NES: variants seen among roughly 807,000 people sequenced by gnomAD.
NES encodes the protein nestin.
NES carries 27 observed loss-of-function variants against 35.6 expected under a neutral mutation model. That is an observed-to-expected ratio of 0.76 (90% CI 0.56 to 1.04). The LOEUF is 1.04. NES is among the 50% of genes least tolerant of loss of function. NES has a pLI of 0.00. For missense variants in NES, 1,867 were observed against 1,983.6 expected (o/e 0.94, Z 1.12); for synonymous variants, 822 against 824.2 (o/e 1.00, Z 0.04).
Position 156,669,775 on chromosome 1 carries a change from G to A in NES, c.4413C>T (p.Asp1471=). The change falls in exon 4 of 4, where the codon GAC becomes GAT. Residue 1471 remains aspartate, a synonymous_variant. Transcript: ENST00000368223. ...DSVSVSVPWD[D]SLRGAVAGAP... ...CACCAGCCACTGCACCCCTCAAGCT[G>A]TCATCCCAGGGGACACTGACACTCA... is the stretch of plus-strand genomic sequence containing the variant. 6.2e-7 allele frequency: 1 copy of A among 1,614,006 alleles called. No individual in the cohort carries two copies. Among genetic ancestry groups the A allele is most frequent in the Non-Finnish European group, 8.5e-7 (1 of 1,179,988 alleles).
rs757174686 is a variant in NES at position 156,669,858 on chromosome 1, C to T, written c.4330G>A (p.Gly1444Ser). Residue 1444 changes from glycine to serine, a missense_variant, in exon 4 of 4, where the codon GGC becomes AGC. Physicochemically the swap from Gly to Ser is moderately conservative, Grantham distance 56 (BLOSUM62 0). Transcript: ENST00000368223. ...AGRWGPGSSV[G>S]SLQALSSSQR... ...GAGCTACTCAGGGCCTGGAGGCTGC[C>T]AACAGAAGACCCTGGCCCCCACCGC... 1.2e-6 allele frequency: 2 copies of T among 1,613,936 alleles called. No individual in the cohort carries two copies. The highest frequency in any genetic ancestry group is 2.2e-5 in the East Asian group (1 of 44,862).
rs1249186249 is a variant in NES at position 156,672,273 on chromosome 1, G to C, written c.1915C>G (p.Leu639Val). ...AAAAATGTCTCTAGATTACCTTCAAGAGATTTCATTAGTTCTTGATTCTCC... is the reference window on the plus strand; with the variant it reads ...AAAAATGTCTCTAGATTACCTTCAACAGATTTCATTAGTTCTTGATTCTCC... ...QKENQELMKS[L>V]EGNLETFLFP... Residue 639 changes from leucine to valine, a missense_variant, in exon 4 of 4, where the codon CTT becomes GTT. Transcript: ENST00000368223. The C allele has an allele frequency of 8.7e-6, 14 of 1,601,902 alleles. No individual in the cohort carries two copies. Among genetic ancestry groups the C allele is most frequent in the South Asian group, 1.1e-5 (1 of 89,076 alleles).
rs1177662634 is a variant in NES at position 156,672,780 on chromosome 1, G to C, written c.1408C>G (p.Leu470Val). 1.2e-6 allele frequency: 2 copies of C among 1,613,392 alleles called. No individual in the cohort carries two copies. Among genetic ancestry groups the C allele is most frequent in the Non-Finnish European group, 1.7e-6 (2 of 1,180,036 alleles). Residue 470 changes from leucine to valine, a missense_variant, in exon 4 of 4, where the codon CTC (leucine) becomes GTC (valine). Physicochemically the swap from Leu to Val is conservative, Grantham distance 32. Coordinates refer to ENST00000368223, the MANE Select transcript of NES (RefSeq NM_006617.2). ...TCTAAACTGGAGTGGTCAGGGCTGA[G>C]GGGTGGTGCCAAGGAGGCATGGTCC... ...PEDHASLAPPLSPDHSSLEAK... is the reference protein window; with the variant it reads ...PEDHASLAPPVSPDHSSLEAK...
rs1448869292 is a variant in NES, at chr1:156,672,564, C to T, written c.1624G>A (p.Glu542Lys). Residue 542 changes from glutamate (E) to lysine (K), a missense_variant, in exon 4 of 4, where the codon GAA (glutamate) becomes AAA (lysine). Transcript: ENST00000368223. ...CCCAGAGACTTCAGGGTTTCTTTTT[C>T]CAAAGGAACCTGGGAGTCCTGGATT... ...KEIQDSQVPL[E>K]KETLKSLGEE... 1 of 1,613,798 alleles carries T rather than the reference C, an allele frequency of 6.2e-7. No homozygotes were observed. The highest frequency in any genetic ancestry group is 8.5e-7 in the Non-Finnish European group (1 of 1,179,978).
In NES at chr1:156,672,460, C is replaced by G. The variant is rs780768210; in HGVS notation, c.1728G>C (p.Pro576=). The change falls in exon 4 of 4, where the codon CCG becomes CCC. Residue 576 remains proline, a synonymous_variant. Transcript: ENST00000368223. ...ETLERENQEC[P]RSLEEDLETL... ...TTTCTAAGTCTTCTTCTAAAGACCT[C>G]GGACATTCTTGATTCTCCCTTTCTA... 1.1e-5 allele frequency: 17 copies of G among 1,611,842 alleles called. No homozygotes were observed. The highest frequency in any genetic ancestry group is 1.4e-5 in the Non-Finnish European group (16 of 1,179,486).
At chr1:156,675,452 CT>C in intron 1 of NES, 112 bp from the exon 2 acceptor site, 1 of 1,308,650 alleles carries the variant, frequency 7.6e-7, no homozygotes, top group Non-Finnish European at 1.0e-6. Context: ...CCCTGGCTGA[CT>C]TATCTGTGTA....
chr1:156,670,368 C>T lies in NES; in HGVS notation c.3820G>A (p.Gly1274Ser), dbSNP rs756413629. The change falls in exon 4 of 4, where the codon GGC (glycine) becomes AGC (serine). Residue 1274 changes from glycine to serine, a missense_variant. Transcript: ENST00000368223. ...CTCTCCTCCCCTTCCTCCTGGGGGC[C>T]CTCGGGGATCTCCCCAGAACCCAAC... ...EELGSGEIPE[G>S]PQEEGEESRE... The T allele has an allele frequency of 1.0e-5, 16 of 1,606,724 alleles. No homozygotes were observed. In the East Asian group the frequency reaches 3.3e-4, roughly 34 times the overall value.
chr1:156,676,789 G>T lies in NES; in HGVS notation c.476C>A (p.Pro159His). Residue 159 changes from proline to histidine, a missense_variant, in exon 1 of 4, where the codon CCC (proline) becomes CAC (histidine). Physicochemically the swap from Pro to His is moderately conservative, Grantham distance 77. Transcript: ENST00000368223. This position sits in a 1 kb window ranked among gnomAD's most constrained non-coding sequence, Gnocchi z 5.3. ...CCCGCGGGGCGGCGCGGGGCAGCGGGGGGCACAGGCAGCCTGCGCGTTCAG... is the reference window on the plus strand; with the variant it reads ...CCCGCGGGGCGGCGCGGGGCAGCGGTGGGCACAGGCAGCCTGCGCGTTCAG... The part of the protein sequence containing the change: ...VGLNAQAACA[P>H]RCPAPPRGPP... 2 of 1,393,584 alleles carry T rather than the reference G, an allele frequency of 1.4e-6. No individual in the cohort carries two copies. Among genetic ancestry groups the T allele is most frequent in the Non-Finnish European group, 1.8e-6 (2 of 1,085,538 alleles). 86.3% of individuals were successfully genotyped at this position (1,393,584 alleles called of 1,614,324 possible). A position where few individuals can be genotyped will look rare whatever the true frequency, so the allele number is the denominator to read the frequency against.
Position 156,672,349 on chromosome 1 carries a change from T to G in NES, c.1839A>C (p.Gln613His). The change falls in exon 4 of 4, where the codon CAA (glutamine) becomes CAC (histidine). Residue 613 changes from glutamine to histidine, a missense_variant. By Grantham distance (24) the Gln-to-His change is conservative. Transcript: ENST00000368223. ...VRPLEKEAVG[Q>H]LKPTGKEDTQ... ...TGTCCTCTTTTCCTGTAGGCTTAAGTTGGCCTACAGCCTCTTTTTCTAGAG... is the reference window on the plus strand; with the variant it reads ...TGTCCTCTTTTCCTGTAGGCTTAAGGTGGCCTACAGCCTCTTTTTCTAGAG... 6.2e-7 allele frequency: 1 copy of G among 1,612,914 alleles called. No individual in the cohort carries two copies. The highest frequency in any genetic ancestry group is 8.5e-7 in the Non-Finnish European group (1 of 1,179,818).
intron 2 of NES, among the ~76,000 whole-genome samples, chr1:156,673,891 T>C (rs1679788842): frequency 6.6e-6 from 1 of 152,120 alleles, no homozygotes; most frequent in African/African-American, 2.4e-5. Flanking sequence ...CCGATTCTCA[T>C]GCTAATTGCT....
At position 156,673,083 on chromosome 1, in the gene NES, G is replaced by A; in HGVS notation, c.1105C>T (p.Pro369Ser). ...AATTCTTGGTTCTTAAGAAAGGCTG[G>A]CACAGGTGTCTCAAGGGTAGCAGGC... ...PLPATLETPV[P>S]AFLKNQEFLQ... The change falls in exon 4 of 4, where the codon CCA becomes TCA. Residue 369 changes from proline (P) to serine (S), a missense_variant. Coordinates refer to ENST00000368223, the MANE Select transcript of NES (RefSeq NM_006617.2). 6.2e-7 allele frequency: 1 copy of A among 1,606,538 alleles called. No individual in the cohort carries two copies.
At position 156,676,108 on chromosome 1, in the gene NES, T is replaced by G. The variant is rs1647281918; in HGVS notation, c.783+374A>C. 6.6e-6 allele frequency among the ~76,000 whole-genome samples: 1 copy of G among 152,204 alleles called. No individual in the cohort carries two copies. Among genetic ancestry groups the G allele is most frequent in the South Asian group, 2.1e-4 (1 of 4,834 alleles). On this transcript the variant is annotated intron_variant, in intron 1 of 3. Transcript: ENST00000368223. This position sits in a 1 kb window ranked among gnomAD's most constrained non-coding sequence, Gnocchi z 5.3. ...CTGTGAGGAACTTGGTGATTCTGAGTGGCCAGGCCACCAGATTCAGCGCAG... is the reference window on the plus strand; with the variant it reads ...CTGTGAGGAACTTGGTGATTCTGAGGGGCCAGGCCACCAGATTCAGCGCAG...
Position 156,676,749 on chromosome 1 carries a change from G to T in NES, c.516C>A (p.Ala172=). The change falls in exon 1 of 4, where the codon GCC becomes GCA. Residue 172 remains alanine (A), a synonymous_variant. Coordinates refer to ENST00000368223, the MANE Select transcript of NES (RefSeq NM_006617.2). The surrounding 1 kb of genome is among the most constrained non-coding windows in gnomAD (Gnocchi z 5.3). ...PAPPRGPPAP[A]PEVEELARRL... The stretch of plus-strand genomic sequence containing the variant: ...GCCTTGCCAGCTCCTCTACCTCCGG[G>T]GCCGGCGCGGGAGGCCCGCGGGGCG... The T allele has an allele frequency of 7.4e-7, 1 of 1,359,474 alleles. No homozygotes were observed. The highest frequency in any genetic ancestry group is 1.8e-5 in the South Asian group (1 of 55,242). 84.2% of individuals were successfully genotyped at this position (1,359,474 alleles called of 1,614,324 possible).
rs572699259 is a variant in NES, at chr1:156,669,231, A to G, written c.*91T>C. On this transcript the variant is annotated 3_prime_UTR_variant, in exon 4 of 4. Transcript: ENST00000368223. ...CCATATGTCAAGAGATCGTAAGTTA[A>G]GAGTGCTGCTCCTGAGCAGGGAGCG... 73 of 844,600 alleles carry G rather than the reference A, an allele frequency of 8.6e-5. No homozygotes were observed. The African/African-American group carries it at 1.1e-3, about 12-fold the overall frequency. The allele number at this position is 844,600 out of a possible 1,614,324, so 52.3% of individuals were successfully genotyped here. A position where few individuals can be genotyped will look rare whatever the true frequency, so the allele number is the denominator to read the frequency against.
Position 156,676,823 on chromosome 1 carries a change from G to A in NES, c.442C>T (p.Arg148Cys). ...GCAGCCTGCGCGTTCAGGCCGACGC[G>A]CTCCTCCTCGTGCGCCACGCGTAGA... ...EALRVAHEEE[R>C]VGLNAQAACA... The change falls in exon 1 of 4, where the codon CGC (arginine) becomes TGC (cysteine). Residue 148 changes from arginine (R) to cysteine (C), a missense_variant. Arg to Cys is a radical substitution (Grantham distance 180). Coordinates refer to ENST00000368223, the MANE Select transcript of NES (RefSeq NM_006617.2). This position sits in a 1 kb window ranked among gnomAD's most constrained non-coding sequence, Gnocchi z 5.3. The A allele has an allele frequency of 2.1e-6, 3 of 1,440,918 alleles. No homozygotes were observed. The highest frequency in any genetic ancestry group is 3.0e-5 in the Admixed American group (1 of 33,052). The allele number at this position is 1,440,918 out of a possible 1,614,324, so 89.3% of individuals were successfully genotyped here.
chr1:156,673,310 C>A, intron 3 of NES, 105 bp from the exon 4 acceptor site: 5 of 1,296,720 alleles, frequency 3.9e-6, no homozygotes, highest in African/African-American at 3.0e-5. Flanking sequence ...CTGCCCCTGG[C>A]GCCCATGGCT....
rs1647281581 is a variant in NES at position 156,676,072 on chromosome 1, G to A, written c.783+410C>T. Among the ~76,000 whole-genome samples, 1 of 152,262 alleles carries A rather than the reference G, an allele frequency of 6.6e-6. No homozygotes were observed. Among genetic ancestry groups the A allele is most frequent in the Admixed American group, 6.5e-5 (1 of 15,286 alleles). On this transcript the variant is annotated intron_variant, in intron 1 of 3. Coordinates refer to ENST00000368223, the MANE Select transcript of NES (RefSeq NM_006617.2). The surrounding 1 kb of genome is among the most constrained non-coding windows in gnomAD (Gnocchi z 5.3). ...CACGGCCCCTCACTCCTCCCCTCAG[G>A]AGAAGGAGGGCTGTGAGGAACTTGG...
At position 156,670,725 on chromosome 1, in the gene NES, A is replaced by C. The variant is rs776593900; in HGVS notation, c.3463T>G (p.Ser1155Ala). 6.2e-7 allele frequency: 1 copy of C among 1,613,894 alleles called. No individual in the cohort carries two copies. The highest frequency in any genetic ancestry group is 1.1e-5 in the South Asian group (1 of 91,066). Residue 1155 changes from serine to alanine, a missense_variant, in exon 4 of 4, where the codon TCC becomes GCC. Transcript: ENST00000368223. The part of the protein sequence containing the change: ...EEAGGLGTEF[S>A]ELPGKSRDPW... ...TCTCTGCTCTTCCCAGGCAGCTCGG[A>C]GAACTCTGTCCCCAGACCACCTGCC...
At position 156,670,095 on chromosome 1, in the gene NES, G is replaced by A. The variant is rs1679681260; in HGVS notation, c.4093C>T (p.Leu1365=). The change falls in exon 4 of 4, where the codon CTG becomes TTG. Residue 1365 remains leucine, a synonymous_variant. Transcript: ENST00000368223. ...CCCAGGTCCTCAAATTCTTCTGACAGGTCAGAGTCACGGCCACACTCCTCT... is the reference window on the plus strand; with the variant it reads ...CCCAGGTCCTCAAATTCTTCTGACAAGTCAGAGTCACGGCCACACTCCTCT... The part of the protein sequence containing the change: ...GEEECGRDSD[L]SEEFEDLGTE... 6.2e-7 allele frequency: 1 copy of A among 1,614,052 alleles called. No individual in the cohort carries two copies. The highest frequency in any genetic ancestry group is 1.3e-5 in the African/African-American group (1 of 75,020).
Sources: allele counts gnomAD v4.1 joint callset (sites outside exome capture counted in the v4.1 genomes callset), GRCh38; gene constraint gnomAD v4.1.1; non-coding constraint Gnocchi (gnomAD v3.1); transcripts MANE v1.5; gene names NCBI Gene and HGNC (gene_info 2026-07-23, HGNC 2026-07-21).